Variants in ZBTB8A observed in about 807,000 individuals in gnomAD.
ZBTB8A encodes the protein zinc finger and BTB domain containing 8A, also known as zinc finger and BTB domain-containing protein 8A.
Under a neutral mutation model 37.8 loss-of-function variants are expected in ZBTB8A, and 19 were observed. The ratio of observed to expected loss-of-function variants is 0.50; its 90% CI spans 0.35 to 0.74. ZBTB8A has a LOEUF of 0.74. Ranked by LOEUF, ZBTB8A falls within the 30% of genes least tolerant of loss-of-function variation. The pLI is 0.01. For missense variants in ZBTB8A, 394 were observed against 537.8 expected, an observed-to-expected ratio of 0.73 and a Z score of 2.65; for synonymous variants, 181 against 185.2, an observed-to-expected ratio of 0.98 and a Z score of 0.19.
At position 32,595,241 on chromosome 1, in the gene ZBTB8A, T is replaced by C; in HGVS notation, c.993+18T>C. ...TTCGAACAGTATGTATGATTTTTTT[T>C]CATCGTTTTACTAATTCTTTTTTGG... On this transcript the variant is annotated intron_variant, in intron 4 of 4. Transcript: ENST00000373510. 1.3e-6 allele frequency: 2 copies of C among 1,574,364 alleles called. No individual in the cohort carries two copies. The highest frequency in any genetic ancestry group is 2.3e-5 in the South Asian group (2 of 88,280).
intron 3 of ZBTB8A, among the ~76,000 whole-genome samples, chr1:32,594,501 G>C (rs984144091): frequency 6.6e-6 from 1 of 151,740 alleles, no homozygotes. Context: ...AGTGGCTCAC[G>C]CCTGTAATCC....
intron 2 of ZBTB8A, among the ~76,000 whole-genome samples, chr1:32,571,797 G>A (rs536407085): frequency 5.3e-5 from 8 of 150,618 alleles, no homozygotes; most frequent in South Asian, 2.1e-4. Context: ...GGTTGGTCTC[G>A]AACTCCTGAC....
intron 1 of ZBTB8A, among the ~76,000 whole-genome samples, chr1:32,548,037 AC>A (rs1644120474): frequency 6.7e-6 from 1 of 148,658 alleles, no homozygotes. Context: ...GGAGGCTGAG[AC>A]AGTAGAATCA....
At chr1:32,548,745 A>G in intron 1 of ZBTB8A, among the ~76,000 whole-genome samples, 1 of 152,180 alleles carries the variant, frequency 6.6e-6, no homozygotes, top group Non-Finnish European at 1.5e-5. Context: ...AATAATAATA[A>G]TAGCTGACAT....
chr1:32,552,685 GA>G (rs1218760910), intron 1 of ZBTB8A, among the ~76,000 whole-genome samples: 5 of 150,680 alleles, frequency 3.3e-5, no homozygotes, highest in African/African-American at 1.2e-4. Flanking sequence ...AAAACGAAAC[GA>G]AAAAAAGGAT....
intron 1 of ZBTB8A, among the ~76,000 whole-genome samples, chr1:32,541,354 G>T (rs549281870): frequency 6.6e-6 from 1 of 152,160 alleles, no homozygotes; most frequent in African/African-American, 2.4e-5. Flanking sequence ...CTCCTTGCCT[G>T]CTCACCTCAG....
rs939714090 is a variant in ZBTB8A at position 32,595,575 on chromosome 1, G to T, written c.993+352G>T. ...GAGCCACCACGCCCGGCCTTGTTTT[G>T]TTTTTTTTTTTTGAGACAGGGTCTC... On this transcript the variant is annotated intron_variant, in intron 4 of 4. Coordinates refer to ENST00000373510, the MANE Select transcript of ZBTB8A (RefSeq NM_001040441.3). Among the ~76,000 whole-genome samples, 826 of 129,430 alleles carry T rather than the reference G, an allele frequency of 6.4e-3. 11 individuals carry two copies. Among genetic ancestry groups the T allele is most frequent in the African/African-American group, 0.021 (738 of 35,278 alleles). The allele number at this position is 129,430 out of a possible 152,430, so 84.9% of individuals were successfully genotyped here.
In ZBTB8A at chr1:32,604,903, C is replaced by T. The variant is rs1206987493; in HGVS notation, c.*4484C>T. 1 of 152,026 alleles carries T rather than the reference C, an allele frequency of 6.6e-6. No homozygotes were observed. The highest frequency in any genetic ancestry group is 2.4e-5 in the African/African-American group (1 of 41,384). The allele number at this position is 152,026 out of a possible 1,614,324, so 9.4% of individuals were successfully genotyped here. ...CGGTGGCTCATGCCTGTAATCCTAGCACTTTGGGAGGCCGAGGCGGGCGGA... is the reference window on the plus strand; with the variant it reads ...CGGTGGCTCATGCCTGTAATCCTAGTACTTTGGGAGGCCGAGGCGGGCGGA... On this transcript the variant is annotated 3_prime_UTR_variant, in exon 5 of 5. Coordinates refer to ENST00000373510, the MANE Select transcript of ZBTB8A (RefSeq NM_001040441.3).
chr1:32,547,937 G>A (rs996062349), intron 1 of ZBTB8A, among the ~76,000 whole-genome samples: 4 of 149,928 alleles, frequency 2.7e-5, no homozygotes, highest in African/African-American at 9.8e-5. Flanking sequence ...TTCGAGACCA[G>A]CCTGGTCAAA....
intron 1 of ZBTB8A, among the ~76,000 whole-genome samples, chr1:32,546,093 T>C (rs1644101568): frequency 6.6e-6 from 1 of 152,154 alleles, no homozygotes; most frequent in East Asian, 1.9e-4. Context: ...TCAATAAATA[T>C]GTCTTGAATA....
rs1237046779 is a variant in ZBTB8A at position 32,593,660 on chromosome 1, T to G, written c.729T>G (p.Ser243=). Residue 243 remains serine (S), a synonymous_variant, in exon 3 of 5, where the codon TCT becomes TCG. Coordinates refer to ENST00000373510, the MANE Select transcript of ZBTB8A (RefSeq NM_001040441.3). ...TSDSSSHVSQ[S]EEQAQIDAEM... is the part of the protein sequence containing the mutation. Reference sequence around the variant, plus strand: ...ATTCTTCCAGCCATGTTTCCCAGTCTGAAGAACAAGCACAGATTGATGCTG... The same window carrying G: ...ATTCTTCCAGCCATGTTTCCCAGTCGGAAGAACAAGCACAGATTGATGCTG... 6.2e-7 allele frequency: 1 copy of G among 1,614,178 alleles called. No homozygotes were observed. Among genetic ancestry groups the G allele is most frequent in the African/African-American group, 1.3e-5 (1 of 75,048 alleles).
At chr1:32,599,273 T>TA (rs910753551) in intron 4 of ZBTB8A, among the ~76,000 whole-genome samples, 11 of 151,780 alleles carry the variant, frequency 7.2e-5, no homozygotes, top group African/African-American at 2.4e-4. Context: ...AATTTTTTTT[T>TA]AATTAGCCAG....
intron 2 of ZBTB8A, among the ~76,000 whole-genome samples, chr1:32,588,970 T>G (rs1644468367): frequency 6.6e-6 from 1 of 151,092 alleles, no homozygotes. Flanking sequence ...GGTGACAGAG[T>G]GAGACTCTAT....
rs565463417 is a variant in ZBTB8A, at chr1:32,592,911, A to G, written c.-1-20A>G. ...TTGTAATGTAGGTTTTGGTAACCACATGTGTCTTTTCCTCTTCAGAATGGA... is the reference window on the plus strand; with the variant it reads ...TTGTAATGTAGGTTTTGGTAACCACGTGTGTCTTTTCCTCTTCAGAATGGA... On this transcript the variant is annotated intron_variant, in intron 2 of 4. Coordinates refer to ENST00000373510, the MANE Select transcript of ZBTB8A (RefSeq NM_001040441.3). The G allele has an allele frequency of 2.6e-6, 4 of 1,565,970 alleles. No individual in the cohort carries two copies. In the South Asian group the frequency reaches 4.8e-5, roughly 19 times the overall value.
chr1:32,582,894 T>C (rs573106796), intron 2 of ZBTB8A, among the ~76,000 whole-genome samples: 3 of 152,260 alleles, frequency 2.0e-5, no homozygotes, highest in African/African-American at 7.2e-5. Context: ...GTCTTTTTTG[T>C]TTAATAATTT....
At chr1:32,589,782 C>T (rs1172649856) in intron 2 of ZBTB8A, among the ~76,000 whole-genome samples, 7 of 151,742 alleles carry the variant, frequency 4.6e-5, no homozygotes, top group Non-Finnish European at 1.0e-4. Flanking sequence ...AAACTCCTGA[C>T]CTCAGGTGAT....
intron 2 of ZBTB8A, among the ~76,000 whole-genome samples, chr1:32,555,408 C>T (rs778307101): frequency 1.3e-5 from 2 of 151,996 alleles, no homozygotes; most frequent in African/African-American, 4.8e-5. Flanking sequence ...AATAATAATA[C>T]CATCTCCCCA....
At chr1:32,575,560 C>T (rs934549226) in intron 2 of ZBTB8A, among the ~76,000 whole-genome samples, 18 of 151,778 alleles carry the variant, frequency 1.2e-4, no homozygotes, top group African/African-American at 4.4e-4. Flanking sequence ...TATCCTGCCT[C>T]AGTTAAAGAA....
chr1:32,551,469 A>G (rs928356167), intron 1 of ZBTB8A, among the ~76,000 whole-genome samples: 2 of 151,910 alleles, frequency 1.3e-5, no homozygotes, highest in Non-Finnish European at 1.5e-5. Flanking sequence ...AATCCCAGCA[A>G]TTTGGGAGGC....
Sources: gnomAD v4.1 joint callset for allele counts (sites outside exome capture counted in the v4.1 genomes callset) on GRCh38, gnomAD v4.1.1 for gene constraint, MANE v1.5 for transcripts, NCBI Gene and HGNC (gene_info 2026-07-23, HGNC 2026-07-21) for gene names.